Variants in STAU1 observed in about 807,000 individuals in gnomAD.
STAU1 encodes the protein staufen double-stranded RNA binding protein 1.
A neutral mutation model predicts 62.9 loss-of-function variants in STAU1; 13 were observed. The observed-to-expected ratio is 0.21, with a 90% confidence interval of 0.13 to 0.33. The LOEUF is 0.33. Ranked by LOEUF, STAU1 falls within the 10% of genes least tolerant of loss-of-function variation. STAU1 has a pLI of 1.00. For missense variants in STAU1, 571 were observed against 712.1 expected (o/e 0.80, Z 2.25); for synonymous variants, 269 against 265.1 (o/e 1.01, Z -0.14).
At chr20:49,202,230 A>AAAGAAAGAAAGAAAGAAAG in the STAU1 span, among the ~76,000 whole-genome samples, 5 of 130,394 alleles carry the variant, frequency 3.8e-5, no homozygotes, top group South Asian at 2.4e-4. Context: ...AAAAAAAAAA[A>AAAGAAAGAAAGAAAGAAAG]AAAGAAAGAA....
At chr20:49,182,068 A>G (rs1029118181) in intron 1 of STAU1, among the ~76,000 whole-genome samples, 11 of 152,240 alleles carry the variant, frequency 7.2e-5, no homozygotes, top group African/African-American at 2.4e-4. Context: ...AATCGAAAGC[A>G]AACACTTTCT....
chr20:49,188,336 G>C (rs945900167), upstream of STAU1: 4 of 152,054 alleles, frequency 2.6e-5, no homozygotes, highest in African/African-American at 9.7e-5. Context: ...ACGCTGAAGA[G>C]CCGCTCAGGC....
chr20:49,162,270 T>C (rs1175633900), intron 3 of STAU1, among the ~76,000 whole-genome samples: 1 of 152,324 alleles, frequency 6.6e-6, no homozygotes, highest in East Asian at 1.9e-4. Context: ...GACACCAGAA[T>C]TCATTAGAAG....
At chr20:49,128,358 A>T (rs2145939381) in intron 6 of STAU1, among the ~76,000 whole-genome samples, 1 of 152,250 alleles carries the variant, frequency 6.6e-6, no homozygotes, top group East Asian at 1.9e-4. Context: ...TTATTTCAAA[A>T]TATACATATT....
chr20:49,175,747 C>T (rs1419792029), intron 1 of STAU1, among the ~76,000 whole-genome samples: 2 of 149,772 alleles, frequency 1.3e-5, no homozygotes, highest in Non-Finnish European at 2.9e-5. Context: ...CCTCAGCCTC[C>T]CAAAGTGCTG....
chr20:49,218,565 C>T, the STAU1 span, among the ~76,000 whole-genome samples: 2 of 109,178 alleles, frequency 1.8e-5, no homozygotes, highest in Non-Finnish European at 4.0e-5. Context: ...AACAAACAAA[C>T]AAAAAAAACA....
chr20:49,166,154 TGA>T lies in STAU1; in HGVS notation c.46_47del (p.Ser16ArgfsTer24). Reference protein sequence around the residue: ...VQVQNPSAALSGSQILNKNQS... With the variant: ...VQVQNPSAALXGSQILNKNQS... ...GGTTCTTGTTCAGTATTTGGCTCCCTGAGAGAGCAGCAGATGGGTTCTGAACT... is the reference window on the plus strand; with the variant it reads ...GGTTCTTGTTCAGTATTTGGCTCCCTGAGAGCAGCAGATGGGTTCTGAACT... On this transcript the variant is annotated frameshift_variant, in exon 3 of 14. Coordinates refer to ENST00000371856, the MANE Select transcript of STAU1 (RefSeq NM_017453.4). LOFTEE classifies it high-confidence loss of function. The T allele has an allele frequency of 6.2e-7, 1 of 1,614,146 alleles. No homozygotes were observed.
Position 49,114,007 on chromosome 20 carries a change from C to T in STAU1, c.*871G>A, listed in dbSNP as rs892782896. On this transcript the variant is annotated 3_prime_UTR_variant, in exon 14 of 14. Transcript: ENST00000371856. ...CTAAAGTTTAAAATTCCTAAATTGT[C>T]CAATTTATACAACTGTGGGAGACTT... 4 of 152,554 alleles carry T rather than the reference C, an allele frequency of 2.6e-5. No individual in the cohort carries two copies. Among genetic ancestry groups the T allele is most frequent in the African/African-American group, 9.7e-5 (4 of 41,402 alleles). 9.5% of individuals were successfully genotyped at this position (152,554 alleles called of 1,614,324 possible).
chr20:49,187,783 C>CG (rs1315605502), intron 1 of STAU1, among the ~76,000 whole-genome samples: 1 of 138,764 alleles, frequency 7.2e-6, no homozygotes, highest in Admixed American at 7.2e-5. Context: ...ACCCCCCCCC[C>CG]CCCCCGCCTG....
At chr20:49,217,850 A>T in the STAU1 span, among the ~76,000 whole-genome samples, 2 of 150,994 alleles carry the variant, frequency 1.3e-5, no homozygotes, top group Non-Finnish European at 2.9e-5. Context: ...CTGTCTCAAA[A>T]ATAAAAATAA....
chr20:49,159,816 C>T (rs2093421782), intron 3 of STAU1, among the ~76,000 whole-genome samples: 1 of 152,182 alleles, frequency 6.6e-6, no homozygotes, highest in East Asian at 1.9e-4. Context: ...TCGGCCTTGG[C>T]CTTCCAAAGT....
At chr20:49,196,134 A>AG in the STAU1 span, among the ~76,000 whole-genome samples, 4 of 148,288 alleles carry the variant, frequency 2.7e-5, no homozygotes, top group Admixed American at 2.0e-4. Flanking sequence ...AAAAAAAAAA[A>AG]GAAAGAAAGA....
At position 49,134,991 on chromosome 20, in the gene STAU1, A is replaced by G. The variant is rs1459299445; in HGVS notation, c.609+842T>C. The G allele has an allele frequency of 4.4e-6, 7 of 1,602,480 alleles. No individual in the cohort carries two copies. The Admixed American group carries it at 6.7e-5, about 15-fold the overall frequency. ...TTTGTGAAGAGACAGTTCATGAACAAGAGTCTTTCAGGACCTGGACAGCGA... is the reference window on the plus strand; with the variant it reads ...TTTGTGAAGAGACAGTTCATGAACAGGAGTCTTTCAGGACCTGGACAGCGA... On this transcript the variant is annotated intron_variant, in intron 6 of 13. Coordinates refer to ENST00000371856, the MANE Select transcript of STAU1 (RefSeq NM_017453.4).
chr20:49,132,031 CTT>C (rs374636346), intron 6 of STAU1, among the ~76,000 whole-genome samples: 8 of 145,152 alleles, frequency 5.5e-5, no homozygotes, highest in Admixed American at 6.9e-5. Flanking sequence ...TGGATGCACT[CTT>C]TTTTTTTTTG....
chr20:49,123,031 A>T, intron 8 of STAU1, 61 bp downstream of exon 8: 1 of 1,495,598 alleles, frequency 6.7e-7, no homozygotes. Flanking sequence ...TTGAACCGCC[A>T]TCAGCCCCCA....
intron 5 of STAU1, among the ~76,000 whole-genome samples, chr20:49,143,087 C>T (rs897522292): frequency 6.6e-6 from 1 of 152,126 alleles, no homozygotes; most frequent in Non-Finnish European, 1.5e-5. Flanking sequence ...AGGAGTGAGC[C>T]ACCGTGCCTG....
In STAU1 at chr20:49,115,772, G is replaced by A. The variant is rs6019641; in HGVS notation, c.1718+10C>T. ...ATCATCAGCGCCTTCCCCTTCATCA[G>A]TGCACTCACACAGACATTGGTCCGT... On this transcript the variant is annotated intron_variant, in intron 13 of 13. Transcript: ENST00000371856. The A allele has an allele frequency of 3.1e-6, 5 of 1,612,638 alleles. No individual in the cohort carries two copies. The highest frequency in any genetic ancestry group is 4.2e-6 in the Non-Finnish European group (5 of 1,178,782).
At chr20:49,186,790 G>A (rs1283377723) in intron 1 of STAU1, among the ~76,000 whole-genome samples, 3 of 151,830 alleles carry the variant, frequency 2.0e-5, no homozygotes. Context: ...TTCCTGAAAC[G>A]CCAAAATCAA....
intron 4 of STAU1, among the ~76,000 whole-genome samples, chr20:49,153,531 C>T (rs1008637905): frequency 1.4e-5 from 2 of 147,826 alleles, no homozygotes; most frequent in African/African-American, 5.0e-5. Context: ...CATGGCAAAA[C>T]CCCGTCTCTA....
Sources: allele counts gnomAD v4.1 joint callset (sites outside exome capture counted in the v4.1 genomes callset), GRCh38; gene constraint gnomAD v4.1.1; transcripts MANE v1.5; gene names NCBI Gene and HGNC (gene_info 2026-07-23, HGNC 2026-07-21).